The following ADAMTS7 variants were observed in gnomAD, a reference collection of about 807,000 sequenced individuals.
The protein encoded by ADAMTS7 is ADAM metallopeptidase with thrombospondin type 1 motif 7, also known as A disintegrin and metalloproteinase with thrombospondin motifs 7.
ADAMTS7 carries 89 observed loss-of-function variants against 172.6 expected under a neutral mutation model. The observed-to-expected ratio is 0.52, with a 90% CI of 0.43 to 0.61. The LOEUF is 0.61. Among genes scored for constraint, ADAMTS7 ranks in the 20% least tolerant of loss-of-function variants. ADAMTS7 has a pLI of 0.00. For missense variants in ADAMTS7, 1,973 were observed against 2,355.6 expected, an observed-to-expected ratio of 0.84 and a Z score of 3.36; for synonymous variants, 885 against 978.4, an observed-to-expected ratio of 0.90 and a Z score of 1.78.
chr15:78,767,952 C>T (rs554818561), intron 17 of ADAMTS7, among the ~76,000 whole-genome samples, 181 bp downstream of exon 17: 25 of 148,020 alleles, frequency 1.7e-4, no homozygotes, highest in Admixed American at 1.5e-3. Context: ...GAATAAAAGC[C>T]CGGCTCCCTC....
chr15:78,776,282 C>G lies in ADAMTS7; in HGVS notation c.1612G>C (p.Asp538His). ...VPVGFRPEAV[D>H]GGWSGWSAWS... ...GCGCTCCAGCCAGACCAGCCACCAT[C>G]CACGGCCTCGGGCCGGAAGCCCACG... is the stretch of plus-strand genomic sequence containing the variant. The change falls in exon 11 of 24, where the codon GAT becomes CAT. Residue 538 changes from aspartate to histidine, a missense_variant. Around this residue, in one of 8 missense-constraint regions of ADAMTS7, gnomAD observed 526 missense variants for 662.9 expected, o/e 0.79. Coordinates refer to ENST00000388820, the MANE Select transcript of ADAMTS7 (RefSeq NM_014272.5). The G allele has an allele frequency of 6.2e-7, 1 of 1,611,980 alleles. No homozygotes were observed. Among genetic ancestry groups the G allele is most frequent in the Non-Finnish European group, 8.5e-7 (1 of 1,179,852 alleles).
At chr15:78,769,079 C>G (rs1178813845) in intron 16 of ADAMTS7, among the ~76,000 whole-genome samples, 2 of 152,174 alleles carry the variant, frequency 1.3e-5, no homozygotes, top group Non-Finnish European at 2.9e-5. Flanking sequence ...CCATCCACAC[C>G]CTTCCCAATG....
At chr15:78,804,924 G>A (rs1364526889) in intron 1 of ADAMTS7, among the ~76,000 whole-genome samples, 1 of 152,176 alleles carries the variant, frequency 6.6e-6, no homozygotes, top group East Asian at 1.9e-4. Context: ...TTTTTACCAA[G>A]AGCCTCCGGG....
intron 9 of ADAMTS7, 110 bp downstream of exon 9, chr15:78,777,334 C>A (rs954204636): frequency 2.8e-6 from 4 of 1,413,994 alleles, no homozygotes; most frequent in Non-Finnish European, 3.8e-6. Flanking sequence ...GGGCGCAGCC[C>A]AGGCCAGGAG....
chr15:78,798,026 C>A lies in ADAMTS7; in HGVS notation c.544G>T (p.Val182Leu). 1 of 1,576,194 alleles carries A rather than the reference C, an allele frequency of 6.3e-7. No individual in the cohort carries two copies. Among genetic ancestry groups the A allele is most frequent in the Non-Finnish European group, 8.6e-7 (1 of 1,166,618 alleles). Residue 182 changes from valine to leucine, a missense_variant, in exon 3 of 24, where the codon GTG (valine) becomes TTG (leucine). This residue lies in a region of ADAMTS7 where 306 missense variants were observed against 288.0 expected (regional missense o/e 1.06). Transcript: ENST00000388820. ...PARPGHAQPH[V>L]VYKRQAPERL... ...TCCGGGGCCTGACGCTTGTACACCA[C>A]ATGGGGCTGGGCGTGGCCAGGCCGG...
intron 8 of ADAMTS7, 135 bp from the exon 9 acceptor site, chr15:78,777,723 G>A (rs1328465871): frequency 5.0e-5 from 58 of 1,161,930 alleles, no homozygotes; most frequent in East Asian, 1.0e-4. Flanking sequence ...CAGCCTCCCC[G>A]CTCGGCTCAG....
intron 8 of ADAMTS7, among the ~76,000 whole-genome samples, chr15:78,784,259 G>A (rs1244180169): frequency 6.6e-6 from 1 of 151,934 alleles, no homozygotes; most frequent in Non-Finnish European, 1.5e-5. Flanking sequence ...CAGCTACTCG[G>A]GATGCTGAGG....
chr15:78,811,396 G>T lies in ADAMTS7; in HGVS notation c.-176C>A. Reference sequence around the variant, plus strand: ...GTCCGCGGGCAACAAAGGCTGCAGGGCCCGCCCCCTTGGCCGCTGCAGAGG... The same window carrying T: ...GTCCGCGGGCAACAAAGGCTGCAGGTCCCGCCCCCTTGGCCGCTGCAGAGG... On this transcript the variant is annotated 5_prime_UTR_variant, in exon 1 of 24. Coordinates refer to ENST00000388820, the MANE Select transcript of ADAMTS7 (RefSeq NM_014272.5). 1.6e-6 allele frequency: 1 copy of T among 611,498 alleles called. No individual in the cohort carries two copies. Among genetic ancestry groups the T allele is most frequent in the Non-Finnish European group, 2.3e-6 (1 of 427,180 alleles). The allele number at this position is 611,498 out of a possible 1,614,324, so 37.9% of individuals were successfully genotyped here.
rs141185264 is a variant in ADAMTS7 at position 78,766,781 on chromosome 15, C to T, written c.3130G>A (p.Ala1044Thr). 50 of 1,610,406 alleles carry T rather than the reference C, an allele frequency of 3.1e-5. No individual in the cohort carries two copies. In the South Asian group the frequency reaches 5.2e-4, roughly 17 times the overall value. Residue 1044 changes from alanine to threonine, a missense_variant, in exon 19 of 24, where the codon GCC becomes ACC. Ala to Thr is a moderately conservative substitution (Grantham distance 58). This residue lies in a region of ADAMTS7 where 771 missense variants were observed against 952.6 expected (regional missense o/e 0.81). Coordinates refer to ENST00000388820, the MANE Select transcript of ADAMTS7 (RefSeq NM_014272.5). ...SSPKPGTMGN[A>T]IEEEAPELDL... ...AGCTCTGGAGCCTCCTCCTCAATGGCGTTGCCCATGGTGCCTGGCTTGGGT... is the reference window on the plus strand; with the variant it reads ...AGCTCTGGAGCCTCCTCCTCAATGGTGTTGCCCATGGTGCCTGGCTTGGGT...
intron 8 of ADAMTS7, 122 bp from the exon 9 acceptor site, chr15:78,777,710 C>T (rs2055371497): frequency 8.6e-6 from 11 of 1,273,782 alleles, no homozygotes; most frequent in Non-Finnish European, 1.2e-5. Context: ...CTGTAGGAAA[C>T]TCCAGCCTCC....
intron 8 of ADAMTS7, among the ~76,000 whole-genome samples, chr15:78,786,292 G>A (rs1321733364): frequency 6.6e-6 from 1 of 152,144 alleles, no homozygotes; most frequent in African/African-American, 2.4e-5. Context: ...GGAGACACAG[G>A]CAATGTCTGT....
rs537192474 is a variant in ADAMTS7 at position 78,774,061 on chromosome 15, G to A, written c.2010+106C>T. The A allele has an allele frequency of 7.2e-4, 1,085 of 1,510,022 alleles. 3 individuals carry two copies. The African/African-American group carries it at 0.013, about 18-fold the overall frequency. The allele number at this position is 1,510,022 out of a possible 1,614,324, so 93.5% of individuals were successfully genotyped here. On this transcript the variant is annotated intron_variant, in intron 13 of 23. Transcript: ENST00000388820. ...GGACCCAGGAGAGAACCTGGGGCCCGCCATGGCCCGAGGAGGATCAGGAGG... is the reference window on the plus strand; with the variant it reads ...GGACCCAGGAGAGAACCTGGGGCCCACCATGGCCCGAGGAGGATCAGGAGG...
intron 8 of ADAMTS7, among the ~76,000 whole-genome samples, chr15:78,779,410 A>G (rs1303488940): frequency 2.6e-5 from 4 of 152,122 alleles, no homozygotes; most frequent in African/African-American, 4.8e-5. Flanking sequence ...CAGGATCTGG[A>G]GCCAGGCCCA....
At chr15:78,759,914 C>T (rs1421944678) in intron 23 of ADAMTS7, among the ~76,000 whole-genome samples, 1 of 152,186 alleles carries the variant, frequency 6.6e-6, no homozygotes, top group Non-Finnish European at 1.5e-5. Context: ...CTTGCTCATC[C>T]CTGGTGTTCC....
rs2055245866 is a variant in ADAMTS7, at chr15:78,771,369, C to G, written c.2377-66G>C. The G allele has an allele frequency of 5.0e-6, 8 of 1,607,908 alleles. No individual in the cohort carries two copies. The African/African-American group carries it at 8.0e-5, about 16-fold the overall frequency. On this transcript the variant is annotated intron_variant, in intron 15 of 23. Coordinates refer to ENST00000388820, the MANE Select transcript of ADAMTS7 (RefSeq NM_014272.5). This position sits in a 1 kb window ranked among gnomAD's most constrained non-coding sequence, Gnocchi z 4.9. ...CTCCATCCACCCAGTCCTAAAGGAGCTGACCCCAGCCACCTCTGTGAACTG... is the reference window on the plus strand; with the variant it reads ...CTCCATCCACCCAGTCCTAAAGGAGGTGACCCCAGCCACCTCTGTGAACTG...
rs755773804 is a variant in ADAMTS7, at chr15:78,773,177, G to A, written c.2037C>T (p.Asp679=). The part of the protein sequence containing the change: ...CKNVGCDFEI[D]SGAMEDRCGV... Reference sequence around the variant, plus strand: ...CACAGCGGTCCTCCATAGCACCGGAGTCAATCTCGAAGTCACAGCCCACGT... The same window carrying A: ...CACAGCGGTCCTCCATAGCACCGGAATCAATCTCGAAGTCACAGCCCACGT... Residue 679 remains aspartate, a synonymous_variant, in exon 14 of 24, where the codon GAC becomes GAT. Transcript: ENST00000388820. 29 of 1,495,136 alleles carry A rather than the reference G, an allele frequency of 1.9e-5. No individual in the cohort carries two copies. In the East Asian group the frequency reaches 6.5e-4, roughly 34 times the overall value. The allele number at this position is 1,495,136 out of a possible 1,614,324, so 92.6% of individuals were successfully genotyped here.
chr15:78,798,224 G>A, intron 2 of ADAMTS7, 111 bp from the exon 3 acceptor site: 2 of 1,052,766 alleles, frequency 1.9e-6, no homozygotes, highest in Non-Finnish European at 2.6e-6. Flanking sequence ...CACACCACCT[G>A]TGACTGCCCG....
chr15:78,793,099 G>A (rs760854230), intron 4 of ADAMTS7, among the ~76,000 whole-genome samples: 1 of 152,130 alleles, frequency 6.6e-6, no homozygotes, highest in Non-Finnish European at 1.5e-5. Context: ...CCCTGTGCTG[G>A]GGGCTTAGCA....
At chr15:78,804,837 A>C (rs1373929675) in intron 1 of ADAMTS7, among the ~76,000 whole-genome samples, 1 of 152,180 alleles carries the variant, frequency 6.6e-6, no homozygotes, top group African/African-American at 2.4e-5. Flanking sequence ...TTTCTTAAAA[A>C]AAAATTCCCA....
Sources: allele counts gnomAD v4.1 joint callset (sites outside exome capture counted in the v4.1 genomes callset), GRCh38; gene constraint gnomAD v4.1.1; regional missense constraint gnomAD v4.1.1; non-coding constraint Gnocchi (gnomAD v3.1); transcripts MANE v1.5; gene names NCBI Gene and HGNC (gene_info 2026-07-23, HGNC 2026-07-21).